Variants in CDKAL1 observed in about 807,000 individuals in gnomAD.
CDKAL1 encodes CDKAL1 threonylcarbamoyladenosine tRNA methylthiotransferase.
Under a neutral mutation model 68.2 loss-of-function variants are expected in CDKAL1, and 32 were observed. The observed-to-expected ratio is 0.47, with a 90% CI of 0.35 to 0.63. The LOEUF (loss-of-function observed/expected upper bound fraction) is 0.63, where lower values mean the gene tolerates loss of function less well. Among genes scored for constraint, CDKAL1 ranks in the 30% least tolerant of loss-of-function variants. The probability of loss-of-function intolerance (pLI) is 0.00; values close to 1 mark genes in which losing one functional copy is unlikely to be tolerated. For missense variants in CDKAL1, 606 were observed against 696.7 expected (o/e 0.87, Z 1.47); for synonymous variants, 234 against 244.3 (o/e 0.96, Z 0.39).
intron 4 of CDKAL1, among the ~76,000 whole-genome samples, chr6:20,557,093 T>TAAATGAA (rs1764086232): frequency 7.7e-6 from 1 of 130,580 alleles, no homozygotes; most frequent in Non-Finnish European, 1.7e-5. Flanking sequence ...AAATGAAAAA[T>TAAATGAA]AAATAAATAC....
intron 8 of CDKAL1, among the ~76,000 whole-genome samples, chr6:20,801,179 C>T (rs139092062): frequency 2.2e-3 from 338 of 152,298 alleles, no homozygotes; most frequent in African/African-American, 7.1e-3. Flanking sequence ...CTACCTTGGC[C>T]TCTCAAAGTG....
chr6:20,750,011 T>A (rs1483178765), intron 6 of CDKAL1, among the ~76,000 whole-genome samples: 3 of 152,040 alleles, frequency 2.0e-5, no homozygotes, highest in African/African-American at 7.2e-5. Context: ...TGGCCCCAGA[T>A]TTTAATTTCT....
At chr6:20,987,785 A>C (rs1352096580) in intron 10 of CDKAL1, among the ~76,000 whole-genome samples, 1 of 151,784 alleles carries the variant, frequency 6.6e-6, no homozygotes, top group East Asian at 1.9e-4. Context: ...ACATCATTTT[A>C]TTTTATTTTT....
At chr6:20,796,958 A>G (rs868504401) in intron 8 of CDKAL1, among the ~76,000 whole-genome samples, 3 of 152,368 alleles carry the variant, frequency 2.0e-5, no homozygotes, top group Admixed American at 6.5e-5. Flanking sequence ...GAAGGTTTCT[A>G]TATTTATGGT....
intron 13 of CDKAL1, among the ~76,000 whole-genome samples, chr6:21,196,640 G>A (rs1433501306): frequency 6.6e-6 from 1 of 152,136 alleles, no homozygotes; most frequent in Non-Finnish European, 1.5e-5. Context: ...TAATTGTTAG[G>A]TGGTCTATTT....
rs1199913455 is a variant in CDKAL1, at chr6:21,201,210, C to T, written c.1484C>T (p.Ala495Val). The change falls in exon 15 of 16, where the codon GCC becomes GTC. Residue 495 changes from alanine (A) to valine (V), a missense_variant. Ala to Val is a moderately conservative substitution (Grantham distance 64). Coordinates refer to ENST00000274695, the MANE Select transcript of CDKAL1 (RefSeq NM_017774.3). Reference sequence around the variant, plus strand: ...ATGAAAGGGCAGCCAGTATCTGATGCCAAAGTGTACACGCCCTCCATCAGC... The same window carrying T: ...ATGAAAGGGCAGCCAGTATCTGATGTCAAAGTGTACACGCCCTCCATCAGC... ...HFMKGQPVSDAKVYTPSISKP... is the reference protein window; with the variant it reads ...HFMKGQPVSDVKVYTPSISKP... The T allele has an allele frequency of 6.2e-7, 1 of 1,613,828 alleles. No individual in the cohort carries two copies. The highest frequency in any genetic ancestry group is 8.5e-7 in the Non-Finnish European group (1 of 1,179,790).
At chr6:20,837,957 G>T (rs984108544) in intron 8 of CDKAL1, among the ~76,000 whole-genome samples, 1 of 148,660 alleles carries the variant, frequency 6.7e-6, no homozygotes, top group Non-Finnish European at 1.5e-5. Flanking sequence ...GTGTGTGTGT[G>T]TGTGTGTGTG....
intron 11 of CDKAL1, among the ~76,000 whole-genome samples, chr6:21,042,344 C>T (rs1158752199): frequency 1.3e-5 from 2 of 152,064 alleles, no homozygotes; most frequent in South Asian, 2.1e-4. Flanking sequence ...CCTCACTGCA[C>T]ATGAAGCACC....
In CDKAL1 at chr6:20,919,542, C is replaced by T. The variant is rs1762858598; in HGVS notation, c.743-35877C>T. Among the ~76,000 whole-genome samples, 2 of 152,268 alleles carry T rather than the reference C, an allele frequency of 1.3e-5. 1 individual carries two copies. The highest frequency in any genetic ancestry group is 4.2e-4 in the South Asian group (2 of 4,812). On this transcript the variant is annotated intron_variant, in intron 9 of 15. Coordinates refer to ENST00000274695, the MANE Select transcript of CDKAL1 (RefSeq NM_017774.3). Reference sequence around the variant, plus strand: ...GCTATCCCTCCCCTAGCCCCCCACTCCCACTTACGAGTAAGAATATGCGGT... The same window carrying T: ...GCTATCCCTCCCCTAGCCCCCCACTTCCACTTACGAGTAAGAATATGCGGT...
chr6:20,889,741 A>G (rs1172730947), intron 9 of CDKAL1, among the ~76,000 whole-genome samples: 5 of 152,112 alleles, frequency 3.3e-5, no homozygotes, highest in Non-Finnish European at 5.9e-5. Context: ...TACCAGTAAC[A>G]TGTTGTTTTG....
chr6:20,994,143 A>G (rs1157656650), intron 10 of CDKAL1, among the ~76,000 whole-genome samples: 1 of 152,104 alleles, frequency 6.6e-6, no homozygotes, highest in African/African-American at 2.4e-5. Context: ...CCCTTGGTAA[A>G]CCTGAGACCC....
chr6:21,017,556 G>T lies in CDKAL1; in HGVS notation c.1055+17184G>T, dbSNP rs143682306. Among the ~76,000 whole-genome samples the T allele has an allele frequency of 2.8e-3, 420 of 152,288 alleles. 4 individuals are homozygous for T. Among genetic ancestry groups the T allele is most frequent in the African/African-American group, 9.6e-3 (401 of 41,560 alleles). On this transcript the variant is annotated intron_variant, in intron 11 of 15. Transcript: ENST00000274695. ...GGGTTTGGTTCAGTACATACAGCCT[G>T]CTACTGGAAGTTTCACACCTATGTG... is the stretch of plus-strand genomic sequence containing the variant.
chr6:20,860,836 T>A (rs1474295620), intron 9 of CDKAL1, among the ~76,000 whole-genome samples: 5 of 150,944 alleles, frequency 3.3e-5, no homozygotes, highest in African/African-American at 4.9e-5. Context: ...AAAAAAAAAA[T>A]ACTTGCTGAA....
chr6:21,147,801 ATT>A (rs11405792), intron 13 of CDKAL1, among the ~76,000 whole-genome samples: 1 of 151,628 alleles, frequency 6.6e-6, no homozygotes, highest in East Asian at 1.9e-4. Context: ...CTATAAAATG[ATT>A]TTTTTTTGTC....
chr6:20,681,908 G>T (rs1402190121), intron 5 of CDKAL1, among the ~76,000 whole-genome samples: 1 of 152,200 alleles, frequency 6.6e-6, no homozygotes, highest in African/African-American at 2.4e-5. Context: ...ACTGGAGGCT[G>T]GGAATTCCAA....
intron 10 of CDKAL1, among the ~76,000 whole-genome samples, chr6:20,994,815 T>C (rs990036588): frequency 2.6e-5 from 4 of 152,204 alleles, no homozygotes; most frequent in Non-Finnish European, 5.9e-5. Flanking sequence ...CAGCGAGTTA[T>C]TATCTTTTTG....
Position 20,964,870 on chromosome 6 carries a change from A to G in CDKAL1, c.909+9285A>G, listed in dbSNP as rs1242107468. Among the ~76,000 whole-genome samples the G allele has an allele frequency of 1.3e-5, 2 of 152,162 alleles. 1 individual carries two copies. Among genetic ancestry groups the G allele is most frequent in the East Asian group, 3.9e-4 (2 of 5,188 alleles). On this transcript the variant is annotated intron_variant, in intron 10 of 15. Coordinates refer to ENST00000274695, the MANE Select transcript of CDKAL1 (RefSeq NM_017774.3). Reference sequence around the variant, plus strand: ...TTTTTCCCTCTTGCCATTGACCCAAATTATTGAATATTGTTTATAAAATGC... The same window carrying G: ...TTTTTCCCTCTTGCCATTGACCCAAGTTATTGAATATTGTTTATAAAATGC...
intron 13 of CDKAL1, among the ~76,000 whole-genome samples, chr6:21,149,918 C>G (rs1029662796): frequency 6.6e-6 from 1 of 152,110 alleles, no homozygotes; most frequent in Admixed American, 6.6e-5. Context: ...AGTGCAGTGG[C>G]GCTGTCTCGG....
At chr6:20,674,136 C>T (rs1337660020) in intron 5 of CDKAL1, among the ~76,000 whole-genome samples, 2 of 152,008 alleles carry the variant, frequency 1.3e-5, no homozygotes, top group African/African-American at 4.8e-5. Context: ...TTTTATCATT[C>T]ATTTTTTTCT....
Sources: gnomAD v4.1 joint callset for allele counts (sites outside exome capture counted in the v4.1 genomes callset) on GRCh38, gnomAD v4.1.1 for gene constraint, MANE v1.5 for transcripts, NCBI Gene and HGNC (gene_info 2026-07-23, HGNC 2026-07-21) for gene names.